The following DPP10 variants were observed in gnomAD, a reference collection of about 807,000 sequenced individuals.
The protein encoded by DPP10 is dipeptidyl peptidase like 10, also known as inactive dipeptidyl peptidase 10.
A neutral mutation model predicts 120.9 loss-of-function variants in DPP10; 33 were observed. The ratio of observed to expected loss-of-function variants is 0.27; its 90% CI spans 0.21 to 0.37. The LOEUF (loss-of-function observed/expected upper bound fraction) is 0.37, where lower values mean the gene tolerates loss of function less well. DPP10 is among the 10% of genes least tolerant of loss of function. The pLI, the probability that DPP10 is intolerant of heterozygous loss-of-function variation, is 1.00. For missense variants in DPP10, 816 were observed against 942.8 expected, an observed-to-expected ratio of 0.87 and a Z score of 1.76; for synonymous variants, 337 against 326.1, an observed-to-expected ratio of 1.03 and a Z score of -0.36.
intron 1 of DPP10, among the ~76,000 whole-genome samples, chr2:115,186,787 G>C (rs2054472114): frequency 6.6e-6 from 1 of 152,102 alleles, no homozygotes; most frequent in African/African-American, 2.4e-5. Context: ...ACAGCAGCTT[G>C]GGCTTTACCC....
At chr2:114,673,274 G>A (rs937490526) in intron 1 of DPP10, among the ~76,000 whole-genome samples, 6 of 151,998 alleles carry the variant, frequency 3.9e-5, no homozygotes, top group Non-Finnish European at 5.9e-5. Flanking sequence ...TAAGACGAGC[G>A]AATAGTTTCC....
chr2:115,603,319 C>G (rs1373007562), intron 5 of DPP10, among the ~76,000 whole-genome samples: 2 of 149,324 alleles, frequency 1.3e-5, no homozygotes, highest in Admixed American at 1.3e-4. Context: ...CAGGTGGGCG[C>G]ACACCCACCC....
At chr2:114,715,907 C>T (rs904345102) in intron 1 of DPP10, among the ~76,000 whole-genome samples, 6 of 151,584 alleles carry the variant, frequency 4.0e-5, no homozygotes, top group Admixed American at 1.3e-4. Flanking sequence ...TAAATATGAG[C>T]GAGTGAGCAA....
At chr2:115,366,357 A>G (rs2065077637) in intron 3 of DPP10, among the ~76,000 whole-genome samples, 1 of 152,052 alleles carries the variant, frequency 6.6e-6, no homozygotes, top group Non-Finnish European at 1.5e-5. Context: ...CACTGCTGCT[A>G]TTGAAATTTT....
intron 3 of DPP10, among the ~76,000 whole-genome samples, chr2:115,458,261 T>C (rs2073739716): frequency 6.6e-6 from 1 of 152,168 alleles, no homozygotes; most frequent in Non-Finnish European, 1.5e-5. Flanking sequence ...ATAGGGATGA[T>C]ATGGACTGGA....
At chr2:115,563,316 C>G (rs929575896) in intron 5 of DPP10, among the ~76,000 whole-genome samples, 1 of 151,836 alleles carries the variant, frequency 6.6e-6, no homozygotes, top group South Asian at 2.1e-4. Context: ...ATCAGACTTC[C>G]GAGGACATAA....
chr2:115,387,261 C>T (rs2106521209), intron 3 of DPP10, among the ~76,000 whole-genome samples: 1 of 152,280 alleles, frequency 6.6e-6, no homozygotes, highest in African/African-American at 2.4e-5. Flanking sequence ...GCAAGAGAAT[C>T]CTTAGCGTGT....
chr2:115,665,817 A>G (rs1428759156), intron 5 of DPP10, among the ~76,000 whole-genome samples: 6 of 152,044 alleles, frequency 3.9e-5, no homozygotes, highest in African/African-American at 1.4e-4. Flanking sequence ...TATCGAATCT[A>G]CTACCAATCA....
At chr2:115,721,794 A>G (rs750108929) in intron 7 of DPP10, among the ~76,000 whole-genome samples, 15 of 152,330 alleles carry the variant, frequency 9.8e-5, no homozygotes, top group Non-Finnish European at 1.9e-4. Context: ...TCAAAGAGTT[A>G]TTAGCACTCC....
chr2:115,744,217 T>TA (rs1273638185), intron 9 of DPP10, among the ~76,000 whole-genome samples: 1 of 150,286 alleles, frequency 6.7e-6, no homozygotes, highest in Non-Finnish European at 1.5e-5. Context: ...TGATTGATGC[T>TA]ACGGTCCAAG....
At chr2:115,692,364 T>C (rs2091366235) in intron 7 of DPP10, among the ~76,000 whole-genome samples, 1 of 152,046 alleles carries the variant, frequency 6.6e-6, no homozygotes, top group Admixed American at 6.6e-5. Flanking sequence ...ACAGGATCAA[T>C]CTTAATAATT....
chr2:115,837,825 G>A (rs1451093371), intron 24 of DPP10, among the ~76,000 whole-genome samples: 1 of 148,154 alleles, frequency 6.7e-6, no homozygotes, highest in Admixed American at 6.7e-5. Flanking sequence ...GCACCCCTCA[G>A]AACTGTTGGG....
At chr2:115,611,688 C>A (rs991547951) in intron 5 of DPP10, among the ~76,000 whole-genome samples, 29 of 152,192 alleles carry the variant, frequency 1.9e-4, no homozygotes, top group African/African-American at 6.7e-4. Flanking sequence ...GTTACTGAAG[C>A]CATATCATGA....
intron 1 of DPP10, among the ~76,000 whole-genome samples, chr2:114,987,804 C>CTTGTTTTTTTTTTTT (rs1700496867): frequency 9.9e-6 from 1 of 101,034 alleles, no homozygotes; most frequent in African/African-American, 3.9e-5. Context: ...TGGAGACTGT[C>CTTGTTTTTTTTTTTT]TTTTTTTTTT....
chr2:115,735,684 ATTTTTTTTTTT>A (rs70941095), intron 8 of DPP10, among the ~76,000 whole-genome samples: 4 of 62,490 alleles, frequency 6.4e-5, no homozygotes, highest in East Asian at 5.4e-4. Context: ...CGCCCAGCTA[ATTTTTTTTTTT>A]TTTTTTTTTT....
intron 1 of DPP10, among the ~76,000 whole-genome samples, chr2:114,632,231 A>G (rs1159912662): frequency 1.3e-5 from 2 of 151,970 alleles, no homozygotes; most frequent in Non-Finnish European, 2.9e-5. Flanking sequence ...TTGTTACTTT[A>G]CAGTTTTTCC....
chr2:114,703,262 G>A (rs765485815), intron 1 of DPP10, among the ~76,000 whole-genome samples: 50 of 152,076 alleles, frequency 3.3e-4, no homozygotes, highest in Non-Finnish European at 5.9e-5. Context: ...TAAGAACTAT[G>A]CTTCTTGTTC....
At chr2:114,463,886 A>G (rs1679135403) in intron 1 of DPP10, among the ~76,000 whole-genome samples, 3 of 152,176 alleles carry the variant, frequency 2.0e-5, no homozygotes, top group Admixed American at 6.5e-5. Context: ...TGTGAATAAG[A>G]TCATAGATTA....
At chr2:115,609,358 T>A (rs1283658833) in intron 5 of DPP10, among the ~76,000 whole-genome samples, 1 of 151,194 alleles carries the variant, frequency 6.6e-6, no homozygotes, top group East Asian at 1.9e-4. Flanking sequence ...AGGATGAAAA[T>A]CACAAAGAAA....
Sources: gnomAD v4.1 joint callset for allele counts (sites outside exome capture counted in the v4.1 genomes callset) on GRCh38, gnomAD v4.1.1 for gene constraint, MANE v1.5 for transcripts, NCBI Gene and HGNC (gene_info 2026-07-23, HGNC 2026-07-21) for gene names.